Variants in PABPC4L observed in about 807,000 individuals in gnomAD.
PABPC4L encodes the protein poly(A) binding protein cytoplasmic 4 like.
For synonymous variants in PABPC4L, 169 were observed against 164.1 expected, an observed-to-expected ratio of 1.03 and a Z score of -0.23; for missense variants, 452 against 451.4, an observed-to-expected ratio of 1.00 and a Z score of -0.01.
the PABPC4L span, among the ~76,000 whole-genome samples, chr4:134,012,432 G>A: frequency 1.3e-5 from 2 of 152,048 alleles, no homozygotes; most frequent in African/African-American, 4.8e-5. Context: ...ACCCACTCCT[G>A]CCCGCCAGAG....
At chr4:134,011,467 A>T in the PABPC4L span, among the ~76,000 whole-genome samples, 1 of 152,296 alleles carries the variant, frequency 6.6e-6, no homozygotes, top group Admixed American at 6.5e-5. Context: ...AAAAGGTAAC[A>T]AATCATTTTT....
chr4:134,113,473 GT>G, the PABPC4L span, among the ~76,000 whole-genome samples: 2 of 151,846 alleles, frequency 1.3e-5, no homozygotes, highest in African/African-American at 4.8e-5. Context: ...ATAACATTCT[GT>G]ACAGGTTTTT....
chr4:134,073,885 G>C, the PABPC4L span, among the ~76,000 whole-genome samples: 18 of 152,168 alleles, frequency 1.2e-4, no homozygotes, highest in Non-Finnish European at 2.4e-4. Flanking sequence ...CTGGGATGCA[G>C]GGCACCATGT....
At chr4:134,123,194 C>A in the PABPC4L span, among the ~76,000 whole-genome samples, 1 of 151,974 alleles carries the variant, frequency 6.6e-6, no homozygotes, top group Non-Finnish European at 1.5e-5. Context: ...TGGCCCACAG[C>A]ACTATCACTC....
the PABPC4L span, among the ~76,000 whole-genome samples, chr4:134,070,574 A>T: frequency 6.6e-6 from 1 of 152,098 alleles, no homozygotes; most frequent in Non-Finnish European, 1.5e-5. Flanking sequence ...GTGGGTGTGC[A>T]TGCACTCACA....
At chr4:133,975,045 A>G in the PABPC4L span, among the ~76,000 whole-genome samples, 42 of 152,172 alleles carry the variant, frequency 2.8e-4, no homozygotes, top group African/African-American at 1.0e-3. Context: ...TCTTGTACAT[A>G]AATATTCATA....
At chr4:134,134,787 A>G in the PABPC4L span, among the ~76,000 whole-genome samples, 1 of 151,614 alleles carries the variant, frequency 6.6e-6, no homozygotes, top group Non-Finnish European at 1.5e-5. Context: ...CTTTATCTAC[A>G]TATATGAAAA....
chr4:134,145,067 G>A, the PABPC4L span, among the ~76,000 whole-genome samples: 1 of 151,712 alleles, frequency 6.6e-6, no homozygotes, highest in Non-Finnish European at 1.5e-5. Context: ...TAAGTAAATT[G>A]CTTGGTCTTT....
chr4:134,150,707 C>T, the PABPC4L span, among the ~76,000 whole-genome samples: 3 of 152,046 alleles, frequency 2.0e-5, no homozygotes, highest in African/African-American at 7.2e-5. Context: ...AGATATGAAA[C>T]CTCCCCCACC....
At chr4:134,174,545 G>A in the PABPC4L span, among the ~76,000 whole-genome samples, 2 of 152,044 alleles carry the variant, frequency 1.3e-5, no homozygotes, top group African/African-American at 4.8e-5. Context: ...TAATTTTTCA[G>A]CTTTATTAGA....
At position 134,200,901 on chromosome 4, in the gene PABPC4L, C is replaced by T; in HGVS notation, c.119G>A (p.Arg40His). 6.4e-7 allele frequency: 1 copy of T among 1,560,598 alleles called. No homozygotes were observed. The highest frequency in any genetic ancestry group is 2.4e-5 in the East Asian group (1 of 41,752). ...GCGGGTGACCTGGTCCCTGCAAATGCGGATGGACAGCACAGGCCCCACAGT... is the reference window on the plus strand; with the variant it reads ...GCGGGTGACCTGGTCCCTGCAAATGTGGATGGACAGCACAGGCCCCACAGT... ...FSTVGPVLSI[R>H]ICRDQVTRRS... is the part of the protein sequence containing the mutation. Residue 40 changes from arginine to histidine, a missense_variant, in exon 2 of 2, where the codon CGC (arginine) becomes CAC (histidine). Physicochemically the swap from Arg to His is conservative, Grantham distance 29. Coordinates refer to ENST00000421491, the MANE Select transcript of PABPC4L (RefSeq NM_001114734.2).
At chr4:134,119,246 G>A in the PABPC4L span, among the ~76,000 whole-genome samples, 1 of 151,762 alleles carries the variant, frequency 6.6e-6, no homozygotes, top group Non-Finnish European at 1.5e-5. Flanking sequence ...AAGCGACAGT[G>A]ACTGGTCTCT....
At chr4:134,193,419 T>C (rs1451077279), downstream of PABPC4L, among the ~76,000 whole-genome samples, 13 of 151,962 alleles carry the variant, frequency 8.6e-5, no homozygotes, top group Admixed American at 8.5e-4. Context: ...TATTTGAAGG[T>C]GATCCTCCCC....
At chr4:134,078,182 C>T in the PABPC4L span, among the ~76,000 whole-genome samples, 1 of 152,090 alleles carries the variant, frequency 6.6e-6, no homozygotes, top group African/African-American at 2.4e-5. Flanking sequence ...CTATACTATA[C>T]CAAGCACAGA....
At chr4:134,152,758 T>C in the PABPC4L span, among the ~76,000 whole-genome samples, 13 of 152,162 alleles carry the variant, frequency 8.5e-5, no homozygotes, top group African/African-American at 3.1e-4. Flanking sequence ...AAGAAATATC[T>C]GAGGCTGGGT....
At chr4:134,035,791 T>C in the PABPC4L span, among the ~76,000 whole-genome samples, 1 of 152,096 alleles carries the variant, frequency 6.6e-6, no homozygotes, top group Non-Finnish European at 1.5e-5. Flanking sequence ...AAATGATCAG[T>C]GACTTCTGCG....
At chr4:134,027,510 C>T in the PABPC4L span, among the ~76,000 whole-genome samples, 5 of 152,214 alleles carry the variant, frequency 3.3e-5, no homozygotes, top group East Asian at 3.9e-4. Flanking sequence ...TTCATATCTT[C>T]GCTACTGTTA....
At position 134,200,569 on chromosome 4, in the gene PABPC4L, C is replaced by CT; in HGVS notation, c.450dup (p.Asp151ArgfsTer5). The CT allele has an allele frequency of 6.4e-7, 1 of 1,551,644 alleles. No homozygotes were observed. The highest frequency in any genetic ancestry group is 1.4e-5 in the African/African-American group (1 of 73,142). On this transcript the variant is annotated frameshift_variant, in exon 2 of 2. Coordinates refer to ENST00000421491, the MANE Select transcript of PABPC4L (RefSeq NM_001114734.2). LOFTEE classifies it low-confidence loss of function (END_TRUNC). ...CCATTCATCTCCTCAATGGCCCTGT[C>CT]TGCAGCACTCTGGTTCTGAAAGTGC...
chr4:133,992,114 C>G, the PABPC4L span, among the ~76,000 whole-genome samples: 1 of 152,130 alleles, frequency 6.6e-6, no homozygotes, highest in Non-Finnish European at 1.5e-5. Flanking sequence ...TCCCATCCCC[C>G]CATTGGCCCA....
Sources: gnomAD v4.1 joint callset for allele counts (sites outside exome capture counted in the v4.1 genomes callset) on GRCh38, gnomAD v4.1.1 for gene constraint, MANE v1.5 for transcripts, NCBI Gene and HGNC (gene_info 2026-07-23, HGNC 2026-07-21) for gene names.